PLCB4: variants seen among roughly 807,000 people sequenced by gnomAD.
PLCB4 encodes the protein phospholipase C beta 4.
A neutral mutation model predicts 178.8 loss-of-function variants in PLCB4; 77 were observed. That is an observed-to-expected ratio of 0.43 (90% CI 0.36 to 0.52). The LOEUF is 0.52. PLCB4 is among the 20% of genes least tolerant of loss of function. The probability of loss-of-function intolerance (pLI) is 0.00; values close to 1 mark genes in which losing one functional copy is unlikely to be tolerated. For synonymous variants in PLCB4, 496 were observed against 490.8 expected, an observed-to-expected ratio of 1.01 and a Z score of -0.14; for missense variants, 1,024 against 1,453.4, an observed-to-expected ratio of 0.70 and a Z score of 4.80.
chr20:9,369,849 A>G (rs1325617383), intron 9 of PLCB4, among the ~76,000 whole-genome samples: 1 of 152,202 alleles, frequency 6.6e-6, no homozygotes, highest in Non-Finnish European at 1.5e-5. Context: ...TGGGCATGAG[A>G]TGCTGTTAAA....
At position 9,371,225 on chromosome 20, in the gene PLCB4, C is replaced by T; in HGVS notation, c.515C>T (p.Thr172Ile). The change falls in exon 10 of 40, where the codon ACA (threonine) becomes ATA (isoleucine). Residue 172 changes from threonine (T) to isoleucine (I), a missense_variant. Physicochemically the swap from Thr to Ile is moderately conservative, Grantham distance 89. Transcript: ENST00000378473. ...GKIPVRSITR[T>I]FASGKTEKVI... The stretch of plus-strand genomic sequence containing the variant: ...CTTTTCTGCCCTAGTATTACTAGAA[C>T]ATTTGCATCGGGAAAAACAGAAAAG... 1 of 1,603,674 alleles carries T rather than the reference C, an allele frequency of 6.2e-7. No homozygotes were observed. The highest frequency in any genetic ancestry group is 8.5e-7 in the Non-Finnish European group (1 of 1,170,536).
intron 14 of PLCB4, among the ~76,000 whole-genome samples, chr20:9,384,905 ATAAACACG>A (rs2148374417): frequency 6.6e-6 from 1 of 152,012 alleles, no homozygotes; most frequent in Non-Finnish European, 1.5e-5. Context: ...AGGTCAGCAG[ATAAACACG>A]TGAACAAAGG....
intron 2 of PLCB4, among the ~76,000 whole-genome samples, chr20:9,125,402 TTG>T (rs959235026): frequency 6.6e-6 from 1 of 152,320 alleles, no homozygotes; most frequent in African/African-American, 2.4e-5. Flanking sequence ...AATGGATTAG[TTG>T]TGTGTTTTTT....
intron 3 of PLCB4, among the ~76,000 whole-genome samples, chr20:9,265,976 C>T (rs192209527): frequency 2.0e-5 from 3 of 152,072 alleles, no homozygotes; most frequent in Non-Finnish European, 2.9e-5. Flanking sequence ...TTGAGGAGCA[C>T]GCCTCTAAAA....
At chr20:9,312,353 TACACAC>T (rs34443371) in intron 4 of PLCB4, among the ~76,000 whole-genome samples, 2,285 of 127,836 alleles carry the variant, frequency 0.018, 55 homozygotes, top group Admixed American at 0.072. Flanking sequence ...CCTTCCACCC[TACACAC>T]ACACACACAC....
intron 2 of PLCB4, among the ~76,000 whole-genome samples, chr20:9,168,106 A>T (rs1053910672): frequency 4.6e-5 from 7 of 152,354 alleles, no homozygotes; most frequent in African/African-American, 1.7e-4. Context: ...TGCTTTTTAC[A>T]TTAAAGAGCA....
chr20:9,167,267 T>A (rs957885407), intron 2 of PLCB4, among the ~76,000 whole-genome samples: 12 of 151,022 alleles, frequency 7.9e-5, no homozygotes, highest in African/African-American at 2.9e-4. Flanking sequence ...TGAGGTCTAT[T>A]AAAAAAAAAC....
chr20:9,457,160 A>G (rs998255642), intron 33 of PLCB4, among the ~76,000 whole-genome samples: 12 of 152,214 alleles, frequency 7.9e-5, no homozygotes, highest in Non-Finnish European at 1.6e-4. Context: ...GAAACTGACA[A>G]CAGCCCCTTA....
At chr20:9,178,469 T>C (rs1381287926) in intron 2 of PLCB4, among the ~76,000 whole-genome samples, 2 of 151,970 alleles carry the variant, frequency 1.3e-5, no homozygotes, top group African/African-American at 2.4e-5. Flanking sequence ...AATGAAAAAC[T>C]GGAATAAAAT....
intron 6 of PLCB4, 102 bp from the exon 7 acceptor site, chr20:9,338,792 A>T: frequency 1.2e-6 from 1 of 829,756 alleles, no homozygotes; most frequent in Non-Finnish European, 1.9e-6. Flanking sequence ...CTGGGCCCTT[A>T]TGTTTATTTT....
At chr20:9,150,881 C>G (rs957134986) in intron 2 of PLCB4, among the ~76,000 whole-genome samples, 22 of 152,196 alleles carry the variant, frequency 1.4e-4, no homozygotes, top group African/African-American at 5.1e-4. Flanking sequence ...CCATAAAAAT[C>G]TTCCCCCAAA....
chr20:9,321,971 A>G (rs1486088356), intron 4 of PLCB4, among the ~76,000 whole-genome samples: 1 of 118,056 alleles, frequency 8.5e-6, no homozygotes, highest in Non-Finnish European at 1.8e-5. Context: ...TTTTTGATAC[A>G]GGACCTCACT....
chr20:9,108,261 A>G (rs902732771), intron 2 of PLCB4, among the ~76,000 whole-genome samples: 1 of 152,180 alleles, frequency 6.6e-6, no homozygotes, highest in Non-Finnish European at 1.5e-5. Context: ...GGATGAAGTC[A>G]CTAGAAAAGT....
At chr20:9,257,876 G>A (rs1000755068) in intron 3 of PLCB4, among the ~76,000 whole-genome samples, 3 of 152,198 alleles carry the variant, frequency 2.0e-5, no homozygotes, top group Admixed American at 2.0e-4. Context: ...GGGAGTTGTG[G>A]ACAGACTCCT....
At chr20:9,362,840 C>A in intron 7 of PLCB4, 56 bp from the exon 8 acceptor site, 1 of 1,068,844 alleles carries the variant, frequency 9.4e-7, no homozygotes, top group Non-Finnish European at 1.4e-6. Context: ...ATAAAAACTG[C>A]TCTATTTGAC....
intron 4 of PLCB4, 123 bp from the exon 5 acceptor site, chr20:9,337,003 G>A (rs2032559107): frequency 5.9e-6 from 4 of 675,996 alleles, no homozygotes. Flanking sequence ...AATACAATAA[G>A]AATTGTGGAT....
chr20:9,424,292 G>C (rs992510639), intron 28 of PLCB4, among the ~76,000 whole-genome samples: 1 of 152,118 alleles, frequency 6.6e-6, no homozygotes, highest in African/African-American at 2.4e-5. Flanking sequence ...TGAAACCATA[G>C]ATATCTTATC....
rs569564719 is a variant in PLCB4 at position 9,461,050 on chromosome 20, A to G, written c.3248+1240A>G. Among the ~76,000 whole-genome samples, 40 of 152,324 alleles carry G rather than the reference A, an allele frequency of 2.6e-4. No individual in the cohort carries two copies. In the South Asian group the frequency reaches 8.3e-3, roughly 32 times the overall value. Reference sequence around the variant, plus strand: ...CATCATTCTGCCTTTGATGATTGCTACAATGCCAGATTTTAGGTGCCTACC... The same window carrying G: ...CATCATTCTGCCTTTGATGATTGCTGCAATGCCAGATTTTAGGTGCCTACC... On this transcript the variant is annotated intron_variant, in intron 35 of 39. Transcript: ENST00000378473.
intron 3 of PLCB4, among the ~76,000 whole-genome samples, chr20:9,302,693 A>G (rs1020832406): frequency 3.9e-5 from 6 of 152,156 alleles, no homozygotes; most frequent in African/African-American, 1.2e-4. Context: ...AGTTCTTCAT[A>G]TAGTGAGACT....
Sources: allele counts gnomAD v4.1 joint callset (sites outside exome capture counted in the v4.1 genomes callset), GRCh38; gene constraint gnomAD v4.1.1; transcripts MANE v1.5; gene names NCBI Gene and HGNC (gene_info 2026-07-23, HGNC 2026-07-21).